Variants in ACACA observed in about 807,000 individuals in gnomAD.
The protein encoded by ACACA is acetyl-CoA carboxylase 1.
A neutral mutation model predicts 296.1 loss-of-function variants in ACACA; 103 were observed. The observed-to-expected ratio is 0.35, with a 90% confidence interval of 0.30 to 0.41. ACACA has a LOEUF of 0.41. Among genes scored for constraint, ACACA ranks in the 10% least tolerant of loss-of-function variants. The pLI, the probability that ACACA is intolerant of heterozygous loss-of-function variation, is 1.00. For missense variants in ACACA, 1,554 were observed against 2,989.7 expected (o/e 0.52, Z 11.20); for synonymous variants, 953 against 1,038.6 (o/e 0.92, Z 1.58).
In ACACA at chr17:37,284,884, G is replaced by A; in HGVS notation, c.425C>T (p.Pro142Leu). Reference sequence around the variant, plus strand: ...CCCAAAGCGAGTAACAAATTCTGCTGGAGAAGCCACAGTGAAATCTCGTTG... The same window carrying A: ...CCCAAAGCGAGTAACAAATTCTGCTAGAGAAGCCACAGTGAAATCTCGTTG... ...DSQRDFTVAS[P>L]AEFVTRFGGN... The change falls in exon 4 of 56, where the codon CCA (proline) becomes CTA (leucine). Residue 142 changes from proline to leucine, a missense_variant. By Grantham distance (98) the Pro-to-Leu change is moderately conservative. Transcript: ENST00000616317. The A allele has an allele frequency of 1.2e-6, 2 of 1,614,144 alleles. No individual in the cohort carries two copies. The highest frequency in any genetic ancestry group is 1.7e-6 in the Non-Finnish European group (2 of 1,180,018).
At chr17:37,204,158 A>T (rs889435185) in intron 33 of ACACA, among the ~76,000 whole-genome samples, 3 of 152,152 alleles carry the variant, frequency 2.0e-5, no homozygotes, top group African/African-American at 7.2e-5. Context: ...AGTGCTGTCC[A>T]CTCCAAGAGA....
At chr17:37,328,121 T>C (rs1401819082) in intron 3 of ACACA, among the ~76,000 whole-genome samples, 1 of 152,218 alleles carries the variant, frequency 6.6e-6, no homozygotes, top group Non-Finnish European at 1.5e-5. Flanking sequence ...TCTGAACTAG[T>C]TATATAATTA....
chr17:37,242,661 G>A (rs1044812422), intron 22 of ACACA, among the ~76,000 whole-genome samples: 4 of 152,094 alleles, frequency 2.6e-5, no homozygotes, highest in African/African-American at 4.8e-5. Context: ...GGCCTATGGG[G>A]TCAAGGCTAC....
chr17:37,327,086 C>G (rs942401408), intron 3 of ACACA, among the ~76,000 whole-genome samples: 4 of 152,198 alleles, frequency 2.6e-5, no homozygotes, highest in African/African-American at 9.6e-5. Context: ...CCCCCTTAAT[C>G]TATGTCACCC....
At chr17:37,260,143 A>C (rs1488415841) in intron 11 of ACACA, among the ~76,000 whole-genome samples, 2 of 149,376 alleles carry the variant, frequency 1.3e-5, no homozygotes, top group Non-Finnish European at 3.0e-5. Context: ...TGGCCTACCA[A>C]AGTGCTGGGA....
rs182833283 is a variant in ACACA, at chr17:37,337,590, A to G, written c.85+2214T>C. ...AACCTCAACCTCCAAAATAGCTGGG[A>G]CTACAGGCATGCATCACTATGCCTG... On this transcript the variant is annotated intron_variant, in intron 2 of 55. Transcript: ENST00000616317. 7.2e-4 allele frequency among the ~76,000 whole-genome samples: 109 copies of G among 152,064 alleles called. 1 individual carries two copies. The Middle Eastern group carries it at 0.014, about 19-fold the overall frequency.
At chr17:37,365,750 C>T in intron 1 of ACACA, 1 of 985,232 alleles carries the variant, frequency 1.0e-6, no homozygotes, top group Non-Finnish European at 1.2e-6. Flanking sequence ...TAAGTCTGGT[C>T]CTAATGATGA....
intron 7 of ACACA, 139 bp from the exon 8 acceptor site, chr17:37,276,188 T>A: frequency 1.4e-6 from 1 of 703,278 alleles, no homozygotes; most frequent in Non-Finnish European, 2.6e-6. Context: ...AGATCATAAA[T>A]TATGGGGACT....
At position 37,406,549 on chromosome 17, in the gene ACACA, C is replaced by T; in HGVS notation, c.-250G>A. ...GCTGCAACAGGGGTGGAGATGGGAA[C>T]GTTATCCCCAAACCCAGGCAGTCCC... On this transcript the variant is annotated 5_prime_UTR_variant, in exon 1 of 56. Coordinates refer to ENST00000616317, the MANE Select transcript of ACACA (RefSeq NM_198834.3). 1 of 602,972 alleles carries T rather than the reference C, an allele frequency of 1.7e-6. No individual in the cohort carries two copies. Among genetic ancestry groups the T allele is most frequent in the Non-Finnish European group, 2.9e-6 (1 of 339,088 alleles). 37.4% of individuals were successfully genotyped at this position (602,972 alleles called of 1,614,324 possible).
chr17:37,116,985 A>C (rs2143005098), intron 50 of ACACA, among the ~76,000 whole-genome samples: 1 of 152,300 alleles, frequency 6.6e-6, no homozygotes, highest in Non-Finnish European at 1.5e-5. Context: ...GGGAGCTTGG[A>C]GTTTTCTAGC....
intron 3 of ACACA, among the ~76,000 whole-genome samples, chr17:37,310,226 T>C (rs563419843): frequency 3.9e-5 from 6 of 152,214 alleles, no homozygotes; most frequent in South Asian, 4.1e-4. Flanking sequence ...ATACTGGAGA[T>C]AGAATCAACC....
chr17:37,148,201 A>T (rs1015488835), intron 45 of ACACA, among the ~76,000 whole-genome samples: 1 of 151,420 alleles, frequency 6.6e-6, no homozygotes, highest in African/African-American at 2.4e-5. Flanking sequence ...TCAATATCTC[A>T]TCCTAAGAAG....
intron 1 of ACACA, among the ~76,000 whole-genome samples, chr17:37,346,634 G>A (rs950859809): frequency 6.7e-6 from 1 of 150,190 alleles, no homozygotes; most frequent in Non-Finnish European, 1.5e-5. Context: ...CCTGAAAGGT[G>A]GAGCTTGCAG....
intron 52 of ACACA, among the ~76,000 whole-genome samples, chr17:37,099,742 C>T (rs1243861710): frequency 6.6e-6 from 1 of 152,080 alleles, no homozygotes; most frequent in African/African-American, 2.4e-5. Flanking sequence ...GGAGATGAGA[C>T]ATTCTCAGAA....
intron 3 of ACACA, among the ~76,000 whole-genome samples, chr17:37,305,314 A>G (rs2083820060): frequency 6.6e-6 from 1 of 152,158 alleles, no homozygotes; most frequent in Admixed American, 6.5e-5. Flanking sequence ...TAAATCTGTG[A>G]ATTCTGTTTC....
chr17:37,348,714 C>G (rs2048742525), intron 1 of ACACA, among the ~76,000 whole-genome samples: 1 of 151,920 alleles, frequency 6.6e-6, no homozygotes, highest in African/African-American at 2.4e-5. Context: ...GTAATTCCAG[C>G]ACTTTGGGAG....
chr17:37,338,886 G>A lies in ACACA; in HGVS notation c.85+918C>T, dbSNP rs2048257492. Among the ~76,000 whole-genome samples the A allele has an allele frequency of 3.3e-5, 5 of 150,624 alleles. No individual in the cohort carries two copies. The South Asian group carries it at 8.4e-4, about 25-fold the overall frequency. ...ACCCAGGAGGCAGAGGTTGCAGTGT[G>A]CCGAGATTGCGCCACTGCACTCTAG... On this transcript the variant is annotated intron_variant, in intron 2 of 55. Coordinates refer to ENST00000616317, the MANE Select transcript of ACACA (RefSeq NM_198834.3).
At chr17:37,311,533 C>A (rs931748471) in intron 3 of ACACA, among the ~76,000 whole-genome samples, 1 of 152,006 alleles carries the variant, frequency 6.6e-6, no homozygotes, top group Admixed American at 6.6e-5. Flanking sequence ...TAGATAGTCT[C>A]TATTTTCTTA....
intron 3 of ACACA, among the ~76,000 whole-genome samples, chr17:37,288,495 C>A (rs1299204595): frequency 5.3e-5 from 8 of 152,208 alleles, no homozygotes; most frequent in African/African-American, 1.4e-4. Flanking sequence ...GCTGTGGGAA[C>A]CGACTGCAAG....
Sources: gnomAD v4.1 joint callset for allele counts (sites outside exome capture counted in the v4.1 genomes callset) on GRCh38, gnomAD v4.1.1 for gene constraint, MANE v1.5 for transcripts, NCBI Gene and HGNC (gene_info 2026-07-23, HGNC 2026-07-21) for gene names.